ZNF821: variants seen among roughly 807,000 people sequenced by gnomAD.
ZNF821 encodes the protein zinc finger protein 821.
Under a neutral mutation model 44.3 loss-of-function variants are expected in ZNF821, and 16 were observed. That is an observed-to-expected ratio of 0.36 (90% CI 0.24 to 0.55). The LOEUF (loss-of-function observed/expected upper bound fraction) is 0.55, where lower values mean the gene tolerates loss of function less well. Ranked by LOEUF, ZNF821 falls within the 20% of genes least tolerant of loss-of-function variation. The pLI, the probability that ZNF821 is intolerant of heterozygous loss-of-function variation, is 0.86. For synonymous variants in ZNF821, 204 were observed against 197.6 expected (o/e 1.03, Z -0.27); for missense variants, 436 against 547.6 (o/e 0.80, Z 2.03).
At chr16:71,864,288 T>G in intron 5 of ZNF821, 46 bp from the exon 6 acceptor site, 1 of 1,545,002 alleles carries the variant, frequency 6.5e-7, no homozygotes, top group Non-Finnish European at 9.0e-7. Flanking sequence ...TTTACTCATC[T>G]CTTCCCTGCC....
intron 3 of ZNF821, among the ~76,000 whole-genome samples, chr16:71,873,212 C>T (rs1251096618): frequency 6.6e-6 from 1 of 151,970 alleles, no homozygotes; most frequent in Non-Finnish European, 1.5e-5. Context: ...ATCCCTGCTA[C>T]TTGGGAGGCT....
rs1276234145 is a variant in ZNF821, at chr16:71,865,524, G to A, written c.167-476C>T. Among the ~76,000 whole-genome samples, 6 of 152,202 alleles carry A rather than the reference G, an allele frequency of 3.9e-5. No homozygotes were observed. The East Asian group carries it at 9.7e-4, about 25-fold the overall frequency. ...TCTCTTCTTTCCCAGCAAACCTCAA[G>A]GCACACTTACAGAAACATCAAGTTT... On this transcript the variant is annotated intron_variant, in intron 4 of 7. Transcript: ENST00000425432.
chr16:71,870,486 C>CTT (rs5817794), intron 3 of ZNF821, among the ~76,000 whole-genome samples: 32,053 of 136,538 alleles, frequency 0.23, 4,021 homozygotes, highest in Non-Finnish European at 0.26. Flanking sequence ...TGGTACTTTC[C>CTT]TTTTTTTTTT....
At chr16:71,894,722 G>A (rs951713499) in intron 1 of ZNF821, 5 of 450,228 alleles carry the variant, frequency 1.1e-5, no homozygotes, top group Middle Eastern at 3.8e-4. Context: ...TTTTTGTAGC[G>A]ATGCGGTTTC....
At chr16:71,894,698 CTTTTTTT>C (rs35889170) in intron 1 of ZNF821, 10 of 443,854 alleles carry the variant, frequency 2.3e-5, no homozygotes, top group East Asian at 4.2e-5. Flanking sequence ...TAATTTTTAA[CTTTTTTT>C]TTTTTTTTTT....
chr16:71,890,627 T>TC (rs926023418), intron 1 of ZNF821: 3 of 152,038 alleles, frequency 2.0e-5, no homozygotes, highest in Admixed American at 1.3e-4. Context: ...CCTCAAGTGA[T>TC]CCCCCTGCCT....
intron 1 of ZNF821, among the ~76,000 whole-genome samples, chr16:71,893,772 C>CTT (rs58034283): frequency 2.8e-5 from 4 of 141,808 alleles, no homozygotes; most frequent in Non-Finnish European, 3.1e-5. Flanking sequence ...AAAATCTGCA[C>CTT]TTTTTTTTTT....
intron 3 of ZNF821, among the ~76,000 whole-genome samples, chr16:71,878,706 G>C (rs377327022): frequency 2.6e-5 from 4 of 152,076 alleles, no homozygotes; most frequent in African/African-American, 9.7e-5. Flanking sequence ...GAGGTGGCCA[G>C]ATCACCTGAG....
At chr16:71,877,424 T>A (rs967027867) in intron 3 of ZNF821, among the ~76,000 whole-genome samples, 2 of 151,998 alleles carry the variant, frequency 1.3e-5, no homozygotes, top group African/African-American at 4.8e-5. Context: ...CCAGGCCTAG[T>A]TTTTTTGTAT....
chr16:71,862,881 A>C (rs2034070929), intron 6 of ZNF821, among the ~76,000 whole-genome samples: 1 of 152,026 alleles, frequency 6.6e-6, no homozygotes, highest in Non-Finnish European at 1.5e-5. Context: ...AATTTTTAAC[A>C]TACCATTTGT....
chr16:71,885,854 A>G (rs2036833427), upstream of ZNF821, among the ~76,000 whole-genome samples: 1 of 152,244 alleles, frequency 6.6e-6, no homozygotes, highest in Non-Finnish European at 1.5e-5. Context: ...AGTAGACAGA[A>G]AATGGAATAT....
In ZNF821 at chr16:71,865,188, A is replaced by G. The variant is rs2034393021; in HGVS notation, c.167-140T>C. On this transcript the variant is annotated intron_variant, in intron 4 of 7. Coordinates refer to ENST00000425432, the MANE Select transcript of ZNF821 (RefSeq NM_001201552.2). Reference sequence around the variant, plus strand: ...TAGTTTATATAGTTTTGTTGGGTACATATTATGTCAAGTGGAAACCAACTA... The same window carrying G: ...TAGTTTATATAGTTTTGTTGGGTACGTATTATGTCAAGTGGAAACCAACTA... 4 of 1,141,490 alleles carry G rather than the reference A, an allele frequency of 3.5e-6. No individual in the cohort carries two copies. In the South Asian group the frequency reaches 6.2e-5, roughly 18 times the overall value. 70.7% of individuals were successfully genotyped at this position (1,141,490 alleles called of 1,614,324 possible).
intron 3 of ZNF821, among the ~76,000 whole-genome samples, chr16:71,875,636 G>C (rs1026743566): frequency 6.6e-6 from 1 of 151,932 alleles, no homozygotes; most frequent in Non-Finnish European, 1.5e-5. Context: ...TGTTTGTTTT[G>C]TATTTTTAGT....
chr16:71,887,229 G>A (rs2142499215), upstream of ZNF821, among the ~76,000 whole-genome samples: 1 of 149,478 alleles, frequency 6.7e-6, no homozygotes, highest in Admixed American at 6.7e-5. Context: ...GAGTGGAATT[G>A]CTTGGTCAAA....
At position 71,864,129 on chromosome 16, in the gene ZNF821, C is replaced by A. The variant is rs767514298; in HGVS notation, c.417+9G>T. On this transcript the variant is annotated intron_variant, in intron 6 of 7. Transcript: ENST00000425432. ...TGTGTTCCAGAGCACACAGCTCCCC[C>A]ATCCATACCTGGTACACGTGAGCAA... 1 of 1,612,178 alleles carries A rather than the reference C, an allele frequency of 6.2e-7. No homozygotes were observed. The highest frequency in any genetic ancestry group is 8.5e-7 in the Non-Finnish European group (1 of 1,178,458).
intron 4 of ZNF821, among the ~76,000 whole-genome samples, chr16:71,866,694 G>T (rs570393044): frequency 5.9e-5 from 9 of 152,304 alleles, no homozygotes; most frequent in African/African-American, 2.2e-4. Context: ...TGCAGATATT[G>T]TAATTCCCAC....
chr16:71,869,906 G>C (rs1181374600), intron 3 of ZNF821, among the ~76,000 whole-genome samples: 1 of 152,138 alleles, frequency 6.6e-6, no homozygotes, highest in Non-Finnish European at 1.5e-5. Context: ...TAAAGTGTTG[G>C]AATTACAGGT....
intron 3 of ZNF821, among the ~76,000 whole-genome samples, chr16:71,876,735 G>A (rs754062820): frequency 1.2e-4 from 18 of 152,132 alleles, no homozygotes; most frequent in Non-Finnish European, 1.9e-4. Flanking sequence ...TGTCTCCCAA[G>A]TAGCTGGCGC....
At chr16:71,886,106 T>G (rs548033326), upstream of ZNF821, among the ~76,000 whole-genome samples, 4 of 152,354 alleles carry the variant, frequency 2.6e-5, no homozygotes, top group East Asian at 7.7e-4. Flanking sequence ...TTGGGCAGCT[T>G]ATTCCATCTC....
Sources: gnomAD v4.1 joint callset for allele counts (sites outside exome capture counted in the v4.1 genomes callset) on GRCh38, gnomAD v4.1.1 for gene constraint, MANE v1.5 for transcripts, NCBI Gene and HGNC (gene_info 2026-07-23, HGNC 2026-07-21) for gene names.